The following URI1 variants were observed in gnomAD, a reference collection of about 807,000 sequenced individuals.
URI1 encodes the protein unconventional prefoldin RPB5 interactor 1.
A neutral mutation model predicts 60.2 loss-of-function variants in URI1; 39 were observed. The ratio of observed to expected loss-of-function variants is 0.65; its 90% CI spans 0.50 to 0.85. The LOEUF (loss-of-function observed/expected upper bound fraction) is 0.85, where lower values mean the gene tolerates loss of function less well. URI1 is among the 40% of genes least tolerant of loss of function. The pLI is 0.00. For synonymous variants in URI1, 251 were observed against 236.8 expected, an observed-to-expected ratio of 1.06 and a Z score of -0.55; for missense variants, 691 against 665.9, an observed-to-expected ratio of 1.04 and a Z score of -0.42.
At chr19:29,993,223 G>A (rs974246913) in intron 4 of URI1, among the ~76,000 whole-genome samples, 22 of 152,134 alleles carry the variant, frequency 1.4e-4, no homozygotes, top group African/African-American at 5.1e-4. Context: ...TCAGAAGCAG[G>A]AAGAATTTCT....
In URI1 at chr19:29,942,471, G is replaced by A; in HGVS notation, c.-77G>A. 1 of 1,069,430 alleles carries A rather than the reference G, an allele frequency of 9.4e-7. No homozygotes were observed. Among genetic ancestry groups the A allele is most frequent in the Non-Finnish European group, 1.1e-6 (1 of 883,816 alleles). 66.2% of individuals were successfully genotyped at this position (1,069,430 alleles called of 1,614,324 possible). The stretch of plus-strand genomic sequence containing the variant: ...GCCTGAGGGCGGGCGCGCGGGCGCT[G>A]GGCAACTGCCGGCCGCGCCGCCTGC... On this transcript the variant is annotated 5_prime_UTR_variant, in exon 1 of 11. Coordinates refer to ENST00000392271, the MANE Select transcript of URI1 (RefSeq NM_003796.3).
chr19:29,954,425 A>C lies in URI1; in HGVS notation c.117+11761A>C, dbSNP rs144949894. Among the ~76,000 whole-genome samples, 510 of 152,268 alleles carry C rather than the reference A, an allele frequency of 3.3e-3. 1 individual carries two copies. Among genetic ancestry groups the C allele is most frequent in the African/African-American group, 0.011 (470 of 41,546 alleles). ...ATACATGAAAACATTTGCATGGTTC[A>C]AAATCACAACTAAATCAAAAGTTAT... On this transcript the variant is annotated intron_variant, in intron 1 of 10. Transcript: ENST00000392271.
intron 2 of URI1, among the ~76,000 whole-genome samples, chr19:29,977,249 T>G (rs1436773550): frequency 6.6e-6 from 1 of 152,154 alleles, no homozygotes; most frequent in Non-Finnish European, 1.5e-5. Flanking sequence ...AGGCATTCCT[T>G]GTGCACAGAA....
At chr19:29,991,682 C>T (rs1292102666) in intron 4 of URI1, among the ~76,000 whole-genome samples, 1 of 152,058 alleles carries the variant, frequency 6.6e-6, no homozygotes, top group Non-Finnish European at 1.5e-5. Context: ...TGTCTTGAAA[C>T]TGATCTTCTG....
rs536859130 is a variant in URI1 at position 29,950,223 on chromosome 19, C to T, written c.117+7559C>T. Among the ~76,000 whole-genome samples, 6 of 152,112 alleles carry T rather than the reference C, an allele frequency of 3.9e-5. No individual in the cohort carries two copies. The South Asian group carries it at 1.2e-3, about 32-fold the overall frequency. On this transcript the variant is annotated intron_variant, in intron 1 of 10. Coordinates refer to ENST00000392271, the MANE Select transcript of URI1 (RefSeq NM_003796.3). ...ACCCATTTCATTGTTTTAGGCTTCT[C>T]TAGATTGGAAGAAAAGATGGTAATG...
chr19:29,933,770 C>T (rs1404785632), intron 1 of URI1, among the ~76,000 whole-genome samples: 1 of 151,386 alleles, frequency 6.6e-6, no homozygotes, highest in Non-Finnish European at 1.5e-5. Context: ...TGCAGTGAGC[C>T]GAGACTGTGC....
At chr19:29,997,830 T>C (rs957123814) in intron 4 of URI1, among the ~76,000 whole-genome samples, 5 of 152,194 alleles carry the variant, frequency 3.3e-5, no homozygotes, top group African/African-American at 1.2e-4. Flanking sequence ...AGTGGTGCAA[T>C]ATCGGCTCAC....
In URI1 at chr19:30,016,244, A is replaced by T. The variant is rs1335575999; in HGVS notation, c.*1175A>T. 1 of 152,154 alleles carries T rather than the reference A, an allele frequency of 6.6e-6. No homozygotes were observed. The highest frequency in any genetic ancestry group is 2.4e-5 in the African/African-American group (1 of 41,454). The allele number at this position is 152,154 out of a possible 1,614,324, so 9.4% of individuals were successfully genotyped here. A position where few individuals can be genotyped will look rare whatever the true frequency, so the allele number is the denominator to read the frequency against. On this transcript the variant is annotated 3_prime_UTR_variant, in exon 11 of 11. Coordinates refer to ENST00000392271, the MANE Select transcript of URI1 (RefSeq NM_003796.3). ...TTCGTAACTAGAGCAGTGCAACTTT[A>T]AAGTTTTATGAATATGTATTTTAAT...
intron 2 of URI1, among the ~76,000 whole-genome samples, chr19:29,981,616 A>C (rs777234790): frequency 2.0e-5 from 3 of 152,248 alleles, no homozygotes; most frequent in Admixed American, 2.0e-4. Flanking sequence ...TGTTTTGTAT[A>C]AGGAATGTTG....
intron 1 of URI1, among the ~76,000 whole-genome samples, chr19:29,954,724 G>A (rs916269829): frequency 7.9e-5 from 12 of 151,752 alleles, no homozygotes; most frequent in East Asian, 5.8e-4. Flanking sequence ...GACCATGTTC[G>A]CCAGGGTGGT....
intron 10 of URI1, among the ~76,000 whole-genome samples, chr19:30,013,087 T>TA (rs2056043182): frequency 6.6e-6 from 1 of 152,118 alleles, no homozygotes; most frequent in Non-Finnish European, 1.5e-5. Flanking sequence ...CCACACTTCT[T>TA]ACAGTTTTTG....
intron 1 of URI1, among the ~76,000 whole-genome samples, chr19:29,955,661 C>T (rs2055236460): frequency 6.8e-6 from 1 of 147,718 alleles, no homozygotes; most frequent in Non-Finnish European, 1.5e-5. Flanking sequence ...TTTTTCTTTT[C>T]TTTTTTTTTT....
intron 1 of URI1, among the ~76,000 whole-genome samples, chr19:29,944,153 A>ATG (rs2055069561): frequency 2.1e-5 from 1 of 47,566 alleles, no homozygotes; most frequent in Admixed American, 2.2e-4. Flanking sequence ...ATATATATAT[A>ATG]TATATATATA....
intron 2 of URI1, among the ~76,000 whole-genome samples, chr19:29,984,612 T>A (rs1599701738): frequency 6.6e-6 from 1 of 152,312 alleles, no homozygotes; most frequent in East Asian, 1.9e-4. Context: ...CTGAAGAGTC[T>A]TAATTCTTCA....
intron 1 of URI1, among the ~76,000 whole-genome samples, chr19:29,931,779 T>C (rs1031832522): frequency 1.3e-5 from 2 of 152,188 alleles, no homozygotes; most frequent in Non-Finnish European, 2.9e-5. Context: ...GTACATGGAA[T>C]TGTTTTCTCA....
chr19:29,980,557 T>G (rs1199048497), intron 2 of URI1, among the ~76,000 whole-genome samples: 1 of 147,928 alleles, frequency 6.8e-6, no homozygotes. Context: ...ATTTTCTGCT[T>G]GTCTGTTTAG....
chr19:29,942,625 C>G lies in URI1; in HGVS notation c.78C>G (p.Arg26=). Residue 26 remains arginine, a synonymous_variant, in exon 1 of 11, where the codon CGC becomes CGG. Transcript: ENST00000392271. ...CGGCCCCTGCCCTGGTTCCGTTGCG[C>G]GCCCCGGATGTGGCGCGGCTGCGCG... ...SAPAPALVPL[R]APDVARLREE... The G allele has an allele frequency of 6.8e-7, 1 of 1,470,012 alleles. No individual in the cohort carries two copies. Among genetic ancestry groups the G allele is most frequent in the Non-Finnish European group, 9.0e-7 (1 of 1,114,826 alleles). The allele number at this position is 1,470,012 out of a possible 1,614,324, so 91.1% of individuals were successfully genotyped here. A position where few individuals can be genotyped will look rare whatever the true frequency, so the allele number is the denominator to read the frequency against.
intron 1 of URI1, among the ~76,000 whole-genome samples, chr19:29,948,154 CATT>C (rs2145241112): frequency 6.6e-6 from 1 of 152,258 alleles, no homozygotes; most frequent in Admixed American, 6.5e-5. Context: ...CTGTCTAAAT[CATT>C]ATGACTTTGT....
intron 1 of URI1, among the ~76,000 whole-genome samples, chr19:29,967,328 T>G (rs748544294): frequency 1.6e-4 from 24 of 152,340 alleles, no homozygotes; most frequent in Middle Eastern, 3.4e-3. Flanking sequence ...TCCTTCTAGG[T>G]GTCTAACCCT....
Sources: allele counts gnomAD v4.1 joint callset (sites outside exome capture counted in the v4.1 genomes callset), GRCh38; gene constraint gnomAD v4.1.1; transcripts MANE v1.5; gene names NCBI Gene and HGNC (gene_info 2026-07-23, HGNC 2026-07-21).